The following OPCML variants were observed in gnomAD, a reference collection of about 807,000 sequenced individuals.
OPCML encodes the protein opioid-binding protein/cell adhesion molecule.
OPCML carries 13 observed loss-of-function variants against 37.8 expected under a neutral mutation model. The ratio of observed to expected loss-of-function variants is 0.34; its 90% CI spans 0.22 to 0.55. OPCML has a LOEUF of 0.55. Ranked by LOEUF, OPCML falls within the 20% of genes least tolerant of loss-of-function variation. OPCML has a pLI of 0.91. For synonymous variants in OPCML, 176 were observed against 168.8 expected (o/e 1.04, Z -0.33); for missense variants, 341 against 435.6 (o/e 0.78, Z 1.93).
In OPCML at chr11:133,509,129, C is replaced by T. The variant is rs376269711; in HGVS notation, c.61+23135G>A. 9.2e-5 allele frequency among the ~76,000 whole-genome samples: 14 copies of T among 152,144 alleles called. No homozygotes were observed. In the East Asian group the frequency reaches 1.2e-3, roughly 13 times the overall value. Reference sequence around the variant, plus strand: ...CGTGCAGGTTTGTTACATTGGTAAACGTGTATCATGGTGGTTTGCTGCACC... The same window carrying T: ...CGTGCAGGTTTGTTACATTGGTAAATGTGTATCATGGTGGTTTGCTGCACC... On this transcript the variant is annotated intron_variant, in intron 1 of 7. Coordinates refer to ENST00000524381, the MANE Select transcript of OPCML (RefSeq NM_001012393.5).
intron 2 of OPCML, among the ~76,000 whole-genome samples, chr11:132,766,374 T>C (rs1024489902): frequency 7.2e-5 from 11 of 152,216 alleles, no homozygotes; most frequent in African/African-American, 2.7e-4. Context: ...TCCTGGCAGA[T>C]ACTTCCTTAA....
At chr11:132,780,765 G>T (rs1946979780) in intron 2 of OPCML, among the ~76,000 whole-genome samples, 1 of 152,100 alleles carries the variant, frequency 6.6e-6, no homozygotes, top group Non-Finnish European at 1.5e-5. Context: ...GGGAGGGGCT[G>T]AATTATTTCA....
At chr11:133,520,064 G>T (rs535901364) in intron 1 of OPCML, among the ~76,000 whole-genome samples, 1 of 152,058 alleles carries the variant, frequency 6.6e-6, no homozygotes, top group Non-Finnish European at 1.5e-5. Context: ...CCCAAAGGAG[G>T]GTTAGAGCAG....
chr11:132,615,161 C>T lies in OPCML; in HGVS notation c.379+41926G>A, dbSNP rs1938923397. Reference sequence around the variant, plus strand: ...ACATGGGATAGAGCAGAGGAGATAGCTCAAAAATAACAATTTTAAAAGAGT... The same window carrying T: ...ACATGGGATAGAGCAGAGGAGATAGTTCAAAAATAACAATTTTAAAAGAGT... On this transcript the variant is annotated intron_variant, in intron 3 of 7. Coordinates refer to ENST00000524381, the MANE Select transcript of OPCML (RefSeq NM_001012393.5). Among the ~76,000 whole-genome samples, 2 of 152,116 alleles carry T rather than the reference C, an allele frequency of 1.3e-5. 1 individual carries two copies. The highest frequency in any genetic ancestry group is 4.8e-5 in the African/African-American group (2 of 41,412).
In OPCML at chr11:133,173,927, A is replaced by AG. The variant is rs1195583280; in HGVS notation, c.62-230918dup. Among the ~76,000 whole-genome samples, 1 of 152,178 alleles carries AG rather than the reference A, an allele frequency of 6.6e-6. No individual in the cohort carries two copies. The highest frequency in any genetic ancestry group is 1.5e-5 in the Non-Finnish European group (1 of 68,028). On this transcript the variant is annotated intron_variant, in intron 1 of 7. Coordinates refer to ENST00000524381, the MANE Select transcript of OPCML (RefSeq NM_001012393.5). The surrounding 1 kb of genome is among the most constrained non-coding windows in gnomAD (Gnocchi z 7.8). ...GACCGGGGCCGGCCGGCACTGGAGC[A>AG]GCCCTCTCCCTCCATCCATTCTACA... is the stretch of plus-strand genomic sequence containing the variant.
At chr11:132,514,701 C>T (rs999429278) in intron 4 of OPCML, among the ~76,000 whole-genome samples, 3 of 152,044 alleles carry the variant, frequency 2.0e-5, no homozygotes, top group Admixed American at 6.6e-5. Context: ...CCTTCTGGGA[C>T]AGAAAATCCT....
chr11:132,887,089 C>A (rs1464003870), intron 2 of OPCML, among the ~76,000 whole-genome samples: 2 of 152,178 alleles, frequency 1.3e-5, no homozygotes, highest in Non-Finnish European at 2.9e-5. Context: ...TAGTCATGCA[C>A]CATATAACAA....
intron 2 of OPCML, among the ~76,000 whole-genome samples, chr11:132,902,173 T>G (rs546321181): frequency 1.3e-5 from 2 of 152,330 alleles, no homozygotes; most frequent in South Asian, 4.1e-4. Flanking sequence ...TATAGCTGGT[T>G]GGAGCTTTCC....
chr11:133,291,761 T>C (rs1469775169), intron 1 of OPCML, among the ~76,000 whole-genome samples: 1 of 152,198 alleles, frequency 6.6e-6, no homozygotes, highest in Non-Finnish European at 1.5e-5. Flanking sequence ...ACAACATTAA[T>C]GAGACACCCA....
intron 4 of OPCML, among the ~76,000 whole-genome samples, chr11:132,521,306 AG>A (rs1265994227): frequency 6.6e-6 from 1 of 152,092 alleles, no homozygotes; most frequent in African/African-American, 2.4e-5. Context: ...GATTGCAAAA[AG>A]TTTCTCCCAT....
At chr11:133,220,721 A>T (rs1939780402) in intron 1 of OPCML, among the ~76,000 whole-genome samples, 1 of 152,078 alleles carries the variant, frequency 6.6e-6, no homozygotes, top group Non-Finnish European at 1.5e-5. Context: ...AGTCTCAGAG[A>T]GCAAAGTCTC....
chr11:133,121,633 G>A (rs1030507342), intron 1 of OPCML, among the ~76,000 whole-genome samples: 1 of 152,114 alleles, frequency 6.6e-6, no homozygotes, highest in African/African-American at 2.4e-5. Flanking sequence ...TACTCCCCAG[G>A]CTGGTGAGAT....
At chr11:132,514,896 T>G (rs2096276469) in intron 4 of OPCML, among the ~76,000 whole-genome samples, 1 of 152,146 alleles carries the variant, frequency 6.6e-6, no homozygotes, top group African/African-American at 2.4e-5. Context: ...CCAGCAGCAC[T>G]GGCAACGTCC....
At chr11:132,811,226 G>A (rs921314026) in intron 2 of OPCML, among the ~76,000 whole-genome samples, 13 of 152,156 alleles carry the variant, frequency 8.5e-5, no homozygotes, top group Admixed American at 4.6e-4. Context: ...GGGAAACAGG[G>A]AATGTGGTCA....
intron 3 of OPCML, among the ~76,000 whole-genome samples, chr11:132,529,870 C>T (rs1354228054): frequency 6.6e-6 from 1 of 152,140 alleles, no homozygotes; most frequent in Non-Finnish European, 1.5e-5. Context: ...TGAGATTGTA[C>T]TCCAAATTGT....
intron 1 of OPCML, among the ~76,000 whole-genome samples, chr11:133,449,037 T>G (rs757176998): frequency 2.0e-4 from 31 of 152,186 alleles, no homozygotes; most frequent in Middle Eastern, 6.3e-3. Context: ...AAGTATTAGT[T>G]TATTATTATG....
At chr11:133,318,920 G>A (rs992713460) in intron 1 of OPCML, among the ~76,000 whole-genome samples, 3 of 151,990 alleles carry the variant, frequency 2.0e-5, no homozygotes, top group Admixed American at 1.3e-4. Context: ...CCAGCTACTC[G>A]GGAGGCTGAG....
chr11:132,464,857 T>C (rs1032458297), intron 4 of OPCML, among the ~76,000 whole-genome samples: 2 of 152,214 alleles, frequency 1.3e-5, no homozygotes, highest in African/African-American at 4.8e-5. Context: ...GATGTGAAAG[T>C]AGCTCCTACT....
At position 132,539,617 on chromosome 11, in the gene OPCML, T is replaced by TGATAATAAC. The variant is rs1185819880; in HGVS notation, c.380-10440_380-10432dup. 3.3e-5 allele frequency among the ~76,000 whole-genome samples: 5 copies of TGATAATAAC among 151,990 alleles called. 1 individual carries two copies. Among genetic ancestry groups the TGATAATAAC allele is most frequent in the Admixed American group, 3.3e-4 (5 of 15,240 alleles). On this transcript the variant is annotated intron_variant, in intron 3 of 7. Transcript: ENST00000524381. ...TGGTGATAGATGATGATGGTGATAG[T>TGATAATAAC]GATAATAACGGTGATGATGATGATG...
Sources: allele counts gnomAD v4.1 joint callset (sites outside exome capture counted in the v4.1 genomes callset), GRCh38; gene constraint gnomAD v4.1.1; non-coding constraint Gnocchi (gnomAD v3.1); transcripts MANE v1.5; gene names NCBI Gene and HGNC (gene_info 2026-07-23, HGNC 2026-07-21).